Variants in IL7 observed in about 807,000 individuals in gnomAD.
IL7 encodes interleukin-7.
A neutral mutation model predicts 21.6 loss-of-function variants in IL7; 3 were observed. The observed-to-expected ratio is 0.14, with a 90% CI of 0.06 to 0.36. The LOEUF (loss-of-function observed/expected upper bound fraction) is 0.36. Among genes scored for constraint, IL7 ranks in the 10% least tolerant of loss-of-function variants. IL7 has a pLI of 1.00. For synonymous variants in IL7, 62 were observed against 68.1 expected (o/e 0.91, Z 0.44); for missense variants, 175 against 200.2 (o/e 0.87, Z 0.76).
At chr8:78,739,964 T>A in intron 3 of IL7, 38 bp downstream of exon 3, 1 of 1,480,156 alleles carries the variant, frequency 6.8e-7, no homozygotes, top group Non-Finnish European at 8.9e-7. Context: ...TTCTATAAAA[T>A]CAAGCTTGAA....
intron 2 of IL7, among the ~76,000 whole-genome samples, chr8:78,759,202 A>C (rs1586076875): frequency 7.4e-6 from 1 of 134,316 alleles, no homozygotes; most frequent in Non-Finnish European, 1.6e-5. Flanking sequence ...TATTTCCAGG[A>C]TTTCTGCTGG....
intron 2 of IL7, among the ~76,000 whole-genome samples, chr8:78,757,259 T>A (rs1586074766): frequency 6.6e-6 from 1 of 152,016 alleles, no homozygotes; most frequent in Non-Finnish European, 1.5e-5. Flanking sequence ...GTACTCAACA[T>A]GATTTTGATT....
At chr8:78,745,263 TA>T (rs1484486795) in intron 2 of IL7, among the ~76,000 whole-genome samples, 1 of 152,216 alleles carries the variant, frequency 6.6e-6, no homozygotes, top group African/African-American at 2.4e-5. Flanking sequence ...ACTAATTACA[TA>T]AAAAATGAAT....
intron 1 of IL7, among the ~76,000 whole-genome samples, chr8:78,802,032 A>T (rs1386415221): frequency 6.6e-6 from 1 of 152,236 alleles, no homozygotes; most frequent in African/African-American, 2.4e-5. Context: ...ACGCAAGGCA[A>T]GCGTGGCTTG....
At chr8:78,738,117 T>G (rs1007989444) in intron 4 of IL7, among the ~76,000 whole-genome samples, 1 of 152,168 alleles carries the variant, frequency 6.6e-6, no homozygotes, top group Non-Finnish European at 1.5e-5. Context: ...ATTTGTTAAA[T>G]ACATTTGATT....
chr8:78,747,678 A>T (rs1187732449), intron 2 of IL7, among the ~76,000 whole-genome samples: 1 of 152,208 alleles, frequency 6.6e-6, no homozygotes, highest in Non-Finnish European at 1.5e-5. Context: ...AATTAAAGTC[A>T]TTTATTCTTT....
intron 2 of IL7, chr8:78,760,925 T>C: frequency 3.2e-6 from 5 of 1,557,940 alleles, no homozygotes; most frequent in Non-Finnish European, 4.3e-6. Flanking sequence ...GGTTTGCCCC[T>C]GGAGGTTTTT....
rs372222485 is a variant in IL7 at position 78,789,119 on chromosome 8, G to A, written c.147+8953C>T. 4.6e-5 allele frequency among the ~76,000 whole-genome samples: 7 copies of A among 152,148 alleles called. No individual in the cohort carries two copies. The East Asian group carries it at 9.7e-4, about 21-fold the overall frequency. ...ATCTATATGTATCTTTATATTTAAA[G>A]TAGGTTTCTTTTAGGCAACGTAAAG... On this transcript the variant is annotated intron_variant, in intron 2 of 5. Transcript: ENST00000263851.
intron 1 of IL7, among the ~76,000 whole-genome samples, chr8:78,799,550 T>G (rs1001618602): frequency 1.3e-5 from 2 of 152,174 alleles, no homozygotes; most frequent in African/African-American, 4.8e-5. Flanking sequence ...ATATGCATGA[T>G]GAGCATGAAT....
chr8:78,743,747 C>T (rs548317423), intron 2 of IL7, among the ~76,000 whole-genome samples: 1 of 152,288 alleles, frequency 6.6e-6, no homozygotes, highest in Non-Finnish European at 1.5e-5. Flanking sequence ...GATTCTTTCT[C>T]ATTTCTGTGA....
chr8:78,687,619 T>C (rs1033153201), intron 3 of IL7, among the ~76,000 whole-genome samples: 2 of 135,864 alleles, frequency 1.5e-5, no homozygotes, highest in African/African-American at 5.3e-5. Context: ...ACATTATATA[T>C]ATTTACGTAA....
intron 2 of IL7, chr8:78,761,562 G>A (rs4739136): frequency 0.069 from 111,600 of 1,611,492 alleles, 5,572 homozygotes; most frequent in East Asian, 0.26. Flanking sequence ...TCCTCTCTTA[G>A]GTTATGAGAT....
chr8:78,739,140 G>T (rs1811693986), intron 3 of IL7, among the ~76,000 whole-genome samples: 1 of 152,072 alleles, frequency 6.6e-6, no homozygotes, highest in East Asian at 1.9e-4. Flanking sequence ...AGAATTTATG[G>T]TTGTGAGATG....
downstream of IL7, among the ~76,000 whole-genome samples, chr8:78,728,131 TA>T (rs2130645719): frequency 6.6e-6 from 1 of 152,060 alleles, no homozygotes; most frequent in African/African-American, 2.4e-5. Flanking sequence ...AAAGAAAAAC[TA>T]AATAGAGAAA....
In IL7 at chr8:78,733,421, T is replaced by C. The variant is rs1467150884; in HGVS notation, c.*292A>G. The stretch of plus-strand genomic sequence containing the variant: ...ATTTAAACAGGTTTGAGAAGTATTA[T>C]TGCAACTGATACCTTACATGGATTG... On this transcript the variant is annotated 3_prime_UTR_variant, in exon 6 of 6. Coordinates refer to ENST00000263851, the MANE Select transcript of IL7 (RefSeq NM_000880.4). The C allele has an allele frequency of 4.0e-6, 1 of 250,090 alleles. No homozygotes were observed. Among genetic ancestry groups the C allele is most frequent in the Non-Finnish European group, 7.6e-6 (1 of 131,714 alleles). 15.5% of individuals were successfully genotyped at this position (250,090 alleles called of 1,614,324 possible). A position where few individuals can be genotyped will look rare whatever the true frequency, so the allele number is the denominator to read the frequency against.
intron 4 of IL7, among the ~76,000 whole-genome samples, chr8:78,680,602 G>T (rs1024147366): frequency 1.3e-5 from 2 of 152,250 alleles, no homozygotes; most frequent in East Asian, 1.9e-4. Context: ...TAAGCAGAGT[G>T]GGGCAAAGCA....
chr8:78,728,435 A>G (rs1811370619), downstream of IL7, among the ~76,000 whole-genome samples: 1 of 152,068 alleles, frequency 6.6e-6, no homozygotes, highest in Non-Finnish European at 1.5e-5. Flanking sequence ...GATCATCAGA[A>G]CAGAGCAGAG....
chr8:78,708,446 G>A (rs1207632089), intron 3 of IL7, among the ~76,000 whole-genome samples: 1 of 152,030 alleles, frequency 6.6e-6, no homozygotes, highest in Non-Finnish European at 1.5e-5. Context: ...GGGAGAGTGA[G>A]GTGGGAGAGT....
chr8:78,702,712 A>G (rs1301779259), intron 3 of IL7, among the ~76,000 whole-genome samples: 1 of 151,288 alleles, frequency 6.6e-6, no homozygotes, highest in Non-Finnish European at 1.5e-5. Context: ...TAATTTCATT[A>G]TTTATCCAAA....
Sources: allele counts gnomAD v4.1 joint callset (sites outside exome capture counted in the v4.1 genomes callset), GRCh38; gene constraint gnomAD v4.1.1; transcripts MANE v1.5; gene names NCBI Gene and HGNC (gene_info 2026-07-23, HGNC 2026-07-21).